NRDC: variants seen among roughly 807,000 people sequenced by gnomAD.
The protein encoded by NRDC is nardilysin convertase, also known as nardilysin.
A neutral mutation model predicts 147.1 loss-of-function variants in NRDC; 54 were observed. The ratio of observed to expected loss-of-function variants is 0.37; its 90% CI spans 0.29 to 0.46. NRDC has a LOEUF of 0.46. NRDC is among the 20% of genes least tolerant of loss of function. The pLI, the probability that NRDC is intolerant of heterozygous loss-of-function variation, is 1.00. For missense variants in NRDC, 1,082 were observed against 1,370.6 expected (o/e 0.79, Z 3.33); for synonymous variants, 440 against 482.1 (o/e 0.91, Z 1.14).
At chr1:51,858,123 T>A (rs967799030) in intron 1 of NRDC, among the ~76,000 whole-genome samples, 1 of 152,182 alleles carries the variant, frequency 6.6e-6, no homozygotes, top group Admixed American at 6.5e-5. Flanking sequence ...AGGATGCCTA[T>A]TGATGTGCAG....
At chr1:51,871,242 G>A (rs1318348044) in intron 1 of NRDC, among the ~76,000 whole-genome samples, 5 of 151,958 alleles carry the variant, frequency 3.3e-5, no homozygotes, top group Admixed American at 6.6e-5. Flanking sequence ...GCTTGAACTC[G>A]GGAAGTGGAA....
rs528471630 is a variant in NRDC at position 51,807,421 on chromosome 1, G to T, written c.1991-508C>A. On this transcript the variant is annotated intron_variant, in intron 17 of 30. Coordinates refer to ENST00000352171, the MANE Select transcript of NRDC (RefSeq NM_001101662.2). ...TTGCTATATTTAGGTAAAAGAGCTG[G>T]ATTTGGTAGGCATGGTGGCTCATGC... Among the ~76,000 whole-genome samples the T allele has an allele frequency of 1.2e-4, 19 of 152,220 alleles. No homozygotes were observed. In the South Asian group the frequency reaches 3.9e-3, roughly 32 times the overall value.
At position 51,818,056 on chromosome 1, in the gene NRDC, A is replaced by G; in HGVS notation, c.1361+10T>C. On this transcript the variant is annotated intron_variant, in intron 10 of 30. Transcript: ENST00000352171. ...GTTCTAATGAAGTAAATTTTCCCTT[A>G]AACTCTTACCTGTAATGTTGCTGTT... 6.2e-7 allele frequency: 1 copy of G among 1,601,540 alleles called. No individual in the cohort carries two copies. Among genetic ancestry groups the G allele is most frequent in the Non-Finnish European group, 8.5e-7 (1 of 1,173,928 alleles).
chr1:51,847,172 C>G (rs1681677419), intron 1 of NRDC, among the ~76,000 whole-genome samples: 1 of 152,172 alleles, frequency 6.6e-6, no homozygotes, highest in Non-Finnish European at 1.5e-5. Context: ...ATTCACAAAC[C>G]CTGAGCTAGA....
At chr1:51,869,705 C>A (rs1682990584) in intron 1 of NRDC, among the ~76,000 whole-genome samples, 1 of 152,166 alleles carries the variant, frequency 6.6e-6, no homozygotes, top group Admixed American at 6.5e-5. Flanking sequence ...AAAAATGCTA[C>A]AAAGCCAGCT....
chr1:51,794,068 C>G (rs776864656), intron 24 of NRDC: 29 of 162,382 alleles, frequency 1.8e-4, no homozygotes, highest in Admixed American at 6.4e-4. Flanking sequence ...TAAATCCTTC[C>G]TCTCAGGTGC....
At chr1:51,801,743 T>A (rs1232982906) in intron 20 of NRDC, among the ~76,000 whole-genome samples, 1 of 152,186 alleles carries the variant, frequency 6.6e-6, no homozygotes, top group Non-Finnish European at 1.5e-5. Context: ...TGTTCATCAT[T>A]TTATCAGTTA....
chr1:51,836,419 A>C (rs556849607), intron 2 of NRDC: 1 of 1,613,964 alleles, frequency 6.2e-7, no homozygotes, highest in African/African-American at 1.3e-5. Flanking sequence ...CATCCTGCCA[A>C]ATGCTGAACA....
intron 22 of NRDC, chr1:51,795,197 T>C (rs1458632229): frequency 7.5e-7 from 1 of 1,331,390 alleles, no homozygotes; most frequent in Non-Finnish European, 9.8e-7. Context: ...CCTGGGCCCA[T>C]TGACATAGAA....
At chr1:51,851,186 G>C (rs1312677453) in intron 1 of NRDC, among the ~76,000 whole-genome samples, 5 of 152,088 alleles carry the variant, frequency 3.3e-5, no homozygotes, top group African/African-American at 1.2e-4. Flanking sequence ...ATGTCTTTTG[G>C]TAAGTGGGGG....
At chr1:51,873,685 A>AT (rs1480077785) in intron 1 of NRDC, among the ~76,000 whole-genome samples, 1 of 150,990 alleles carries the variant, frequency 6.6e-6, no homozygotes, top group Non-Finnish European at 1.5e-5. Flanking sequence ...TAATTTTTTT[A>AT]TTTTTAGTAG....
chr1:51,844,041 C>T (rs942780145), intron 1 of NRDC, among the ~76,000 whole-genome samples: 8 of 152,150 alleles, frequency 5.3e-5, no homozygotes, highest in African/African-American at 1.7e-4. Flanking sequence ...TTCTCATCAA[C>T]TCTACAGCTA....
intron 18 of NRDC, among the ~76,000 whole-genome samples, chr1:51,806,142 A>T (rs548179158): frequency 6.6e-6 from 1 of 152,172 alleles, no homozygotes; most frequent in Non-Finnish European, 1.5e-5. Flanking sequence ...GGTAAAAAGC[A>T]GCACACTTAG....
chr1:51,794,667 C>T (rs1678810559), intron 23 of NRDC, 57 bp from the exon 24 acceptor site: 2 of 1,600,740 alleles, frequency 1.2e-6, no homozygotes, highest in Non-Finnish European at 1.7e-6. Flanking sequence ...GAAGCTAGGC[C>T]TTCTAACTTT....
At chr1:51,821,473 T>C in intron 8 of NRDC, 25 bp downstream of exon 8, 2 of 1,503,148 alleles carry the variant, frequency 1.3e-6, no homozygotes, top group Non-Finnish European at 1.9e-6. Context: ...TGAAGGTGTA[T>C]GATGTATGAA....
At position 51,878,510 on chromosome 1, in the gene NRDC, A is replaced by T. The variant is rs772945498; in HGVS notation, c.106T>A (p.Cys36Ser). 2.5e-6 allele frequency: 4 copies of T among 1,613,766 alleles called. No homozygotes were observed. The highest frequency in any genetic ancestry group is 3.4e-6 in the Non-Finnish European group (4 of 1,179,930). ...ALWGIETRGRCEDSAAARPFP... is the reference protein window; with the variant it reads ...ALWGIETRGRSEDSAAARPFP... ...GGTCTGGCAGCAGCAGAGTCTTCGC[A>T]CCGACCCCGCGTTTCGATTCCCCAG... The change falls in exon 1 of 31, where the codon TGC (cysteine) becomes AGC (serine). Residue 36 changes from cysteine to serine, a missense_variant. By Grantham distance (112) the Cys-to-Ser change is moderately radical (BLOSUM62 -1). Transcript: ENST00000352171.
chr1:51,799,542 C>T (rs2149191049), intron 21 of NRDC, among the ~76,000 whole-genome samples: 1 of 152,272 alleles, frequency 6.6e-6, no homozygotes, highest in Non-Finnish European at 1.5e-5. Context: ...AAAGCAGAAC[C>T]TTTACGCTGT....
intron 1 of NRDC, among the ~76,000 whole-genome samples, chr1:51,860,887 C>T (rs1308092585): frequency 6.6e-6 from 1 of 151,998 alleles, no homozygotes; most frequent in African/African-American, 2.4e-5. Flanking sequence ...GTTAATATTT[C>T]CCAATTAAGT....
chr1:51,841,519 C>T (rs1027278759), intron 1 of NRDC, among the ~76,000 whole-genome samples: 2 of 152,146 alleles, frequency 1.3e-5, no homozygotes, highest in South Asian at 2.1e-4. Context: ...GTTACCCAAG[C>T]TGGTCTTGAA....
Sources: gnomAD v4.1 joint callset for allele counts (sites outside exome capture counted in the v4.1 genomes callset) on GRCh38, gnomAD v4.1.1 for gene constraint, MANE v1.5 for transcripts, NCBI Gene and HGNC (gene_info 2026-07-23, HGNC 2026-07-21) for gene names.